FBXO41: variants seen among roughly 807,000 people sequenced by gnomAD.
FBXO41 encodes the protein F-box protein 41.
FBXO41 carries 33 observed loss-of-function variants against 81.6 expected under a neutral mutation model. The ratio of observed to expected loss-of-function variants is 0.40; its 90% CI spans 0.31 to 0.54. The LOEUF is 0.54. Among genes scored for constraint, FBXO41 ranks in the 20% least tolerant of loss-of-function variants. The probability of loss-of-function intolerance (pLI) is 0.39; values close to 1 mark genes in which losing one functional copy is unlikely to be tolerated. For synonymous variants in FBXO41, 576 were observed against 552.7 expected, an observed-to-expected ratio of 1.04 and a Z score of -0.59; for missense variants, 1,107 against 1,236.0, an observed-to-expected ratio of 0.90 and a Z score of 1.56.
rs1279553404 is a variant in FBXO41, at chr2:73,265,537, G to C, written c.1309C>G (p.Pro437Ala). The C allele has an allele frequency of 6.3e-7, 1 of 1,596,334 alleles. No individual in the cohort carries two copies. The highest frequency in any genetic ancestry group is 8.5e-7 in the Non-Finnish European group (1 of 1,172,570). Residue 437 changes from proline (P) to alanine (A), a missense_variant, in exon 5 of 13, where the codon CCT becomes GCT. Transcript: ENST00000520530. ...TGGGCCCGTGTGCCCAAGCCCCCAG[G>C]GCCACTGTCCTCAGGGGCCCCCTCC... ...PEEGAPEDSG[P>A]GGLGTRAQAA...
rs1459626575 is a variant in FBXO41, at chr2:73,259,034, C to T, written c.2576G>A (p.Arg859Gln). ...CAGAATCTTAGAGAAGCCGGGCCTC[C>T]GTCGCAGAGCCTGCGGACCGAACCC... ...DMVTKLQALR[R>Q]RPGFSKILHI... Residue 859 changes from arginine to glutamine, a missense_variant, in exon 13 of 13, where the codon CGG (arginine) becomes CAG (glutamine). By Grantham distance (43) the Arg-to-Gln change is conservative. This residue lies in a region of FBXO41 where 336 missense variants were observed against 446.7 expected (regional missense o/e 0.75). Coordinates refer to ENST00000520530, the MANE Select transcript of FBXO41 (RefSeq NM_001371389.2). The surrounding 1 kb of genome is among the most constrained non-coding windows in gnomAD (Gnocchi z 4.2). The T allele has an allele frequency of 2.7e-5, 43 of 1,601,474 alleles. No homozygotes were observed. Among genetic ancestry groups the T allele is most frequent in the Non-Finnish European group, 3.3e-5 (39 of 1,174,138 alleles).
Position 73,263,169 on chromosome 2 carries a change from C to T in FBXO41, c.2171+44G>A, listed in dbSNP as rs370198066. ...TAAGTCCTCAGCCCCAGACCAGGCC[C>T]AACCGTGTCCCCCCTCCTATCCCCC... On this transcript the variant is annotated intron_variant, in intron 9 of 12. Transcript: ENST00000520530. 1.1e-5 allele frequency: 17 copies of T among 1,505,938 alleles called. 1 individual carries two copies. In the African/African-American group the frequency reaches 2.2e-4, roughly 20 times the overall value. 93.3% of individuals were successfully genotyped at this position (1,505,938 alleles called of 1,614,324 possible).
chr2:73,282,470 C>T (rs1363351439), intron 1 of FBXO41, among the ~76,000 whole-genome samples: 1 of 152,146 alleles, frequency 6.6e-6, no homozygotes, highest in African/African-American at 2.4e-5. Context: ...CTTCAGGAGG[C>T]TGAGGCAGGA....
chr2:73,283,926 AGGCGAGAGGG>A (rs1688919415), intron 1 of FBXO41, among the ~76,000 whole-genome samples: 1 of 152,052 alleles, frequency 6.6e-6, no homozygotes, highest in Non-Finnish European at 1.5e-5. Context: ...AGGGAGCGAC[AGGCGAGAGGG>A]GGGAGGGGAA....
At chr2:73,261,517 T>A (rs147437160) in intron 9 of FBXO41, among the ~76,000 whole-genome samples, 1 of 152,152 alleles carries the variant, frequency 6.6e-6, no homozygotes, top group East Asian at 1.9e-4. Flanking sequence ...CAACAACAAC[T>A]GAGCTAGGCC....
Position 73,260,454 on chromosome 2 carries a change from T to C in FBXO41, c.2384A>G (p.Lys795Arg). The C allele has an allele frequency of 6.2e-7, 1 of 1,608,478 alleles. No homozygotes were observed. The change falls in exon 11 of 13, where the codon AAG (lysine) becomes AGG (arginine). Residue 795 changes from lysine (K) to arginine (R), a missense_variant. Physicochemically the swap from Lys to Arg is conservative, Grantham distance 26 (BLOSUM62 2). Around this residue, in one of 2 missense-constraint regions of FBXO41, gnomAD observed 336 missense variants for 446.7 expected, o/e 0.75. Transcript: ENST00000520530. This position sits in a 1 kb window ranked among gnomAD's most constrained non-coding sequence, Gnocchi z 5.0. ...VAAEVCREGL[K>R]GLEMLVLTAT... ...CGTGAGCACCAGCATCTCCAGTCCC[T>C]TCAGGCCTTCCCGGCAGACCTCTGC...
Position 73,263,853 on chromosome 2 carries a change from A to T in FBXO41, c.1923-23T>A, listed in dbSNP as rs745867425. ...CCCCTGGGGATGACCAAGAGGTCAG[A>T]GAGCTGGCAACCTCCTCCTCTGGGA... On this transcript the variant is annotated intron_variant, in intron 7 of 12. Transcript: ENST00000520530. The T allele has an allele frequency of 1.9e-6, 3 of 1,613,942 alleles. No individual in the cohort carries two copies. The African/African-American group carries it at 4.0e-5, about 22-fold the overall frequency.
In FBXO41 at chr2:73,266,001, G is replaced by A. The variant is rs1271909255; in HGVS notation, c.1132-35C>T. On this transcript the variant is annotated intron_variant, in intron 3 of 12. Coordinates refer to ENST00000520530, the MANE Select transcript of FBXO41 (RefSeq NM_001371389.2). The surrounding 1 kb of genome is among the most constrained non-coding windows in gnomAD (Gnocchi z 5.3). ...CCCAGAGCAGGAGGTAAAGGAGAGG[G>A]GCGGAGGAGGCAAGAGGATGAGCAG... The A allele has an allele frequency of 6.5e-7, 1 of 1,543,196 alleles. No homozygotes were observed. Among genetic ancestry groups the A allele is most frequent in the South Asian group, 1.2e-5 (1 of 83,966 alleles).
At chr2:73,270,034 T>C (rs1688443395) in intron 1 of FBXO41, among the ~76,000 whole-genome samples, 1 of 152,200 alleles carries the variant, frequency 6.6e-6, no homozygotes, top group South Asian at 2.1e-4. Context: ...ACGACCCAAG[T>C]GCCCATCAAT....
intron 1 of FBXO41, among the ~76,000 whole-genome samples, chr2:73,276,603 AGG>A (rs1491107732): frequency 0.092 from 7,726 of 83,668 alleles, 1,013 homozygotes; most frequent in African/African-American, 0.29. Flanking sequence ...AGAGAGAGAG[AGG>A]GAGAGAGGGA....
At chr2:73,268,614 A>G (rs1259337984) in intron 2 of FBXO41, 112 bp downstream of exon 2, 2 of 1,084,514 alleles carry the variant, frequency 1.8e-6, no homozygotes, top group Non-Finnish European at 2.6e-6. Flanking sequence ...CGGATCCTCT[A>G]TTACAAAGCC....
At position 73,266,394 on chromosome 2, in the gene FBXO41, G is replaced by C. The variant is rs930698872; in HGVS notation, c.1131+63C>G. The C allele has an allele frequency of 4.2e-6, 6 of 1,427,492 alleles. No homozygotes were observed. The Admixed American group carries it at 1.7e-4, about 40-fold the overall frequency. The allele number at this position is 1,427,492 out of a possible 1,614,324, so 88.4% of individuals were successfully genotyped here. ...TCATGGGGGAGATGTCCAGCCATGT[G>C]AAAGGTGAGGTTGTGGGGGGCCAGG... On this transcript the variant is annotated intron_variant, in intron 3 of 12. Coordinates refer to ENST00000520530, the MANE Select transcript of FBXO41 (RefSeq NM_001371389.2). The surrounding 1 kb of genome is among the most constrained non-coding windows in gnomAD (Gnocchi z 5.3).
intron 1 of FBXO41, among the ~76,000 whole-genome samples, chr2:73,274,309 G>A (rs1432849435): frequency 6.6e-6 from 1 of 152,068 alleles, no homozygotes; most frequent in Non-Finnish European, 1.5e-5. Flanking sequence ...CTATCTCTTT[G>A]GTAACTTGCC....
chr2:73,266,492 C>T lies in FBXO41; in HGVS notation c.1096G>A (p.Gly366Ser). ...GGGCCCCGGGCATTGGGTCCAGCAC[C>T]ACCGCCCCCACCTCCACGGCCCAGG... ...ASLGRGGGGG[G>S]AGPNARGPGR... Residue 366 changes from glycine to serine, a missense_variant, in exon 3 of 13, where the codon GGT becomes AGT. By Grantham distance (56) the Gly-to-Ser change is moderately conservative (BLOSUM62 0). This residue lies in a region of FBXO41 where 771 missense variants were observed against 789.2 expected (regional missense o/e 0.98). Transcript: ENST00000520530. This position sits in a 1 kb window ranked among gnomAD's most constrained non-coding sequence, Gnocchi z 5.3. 1.9e-6 allele frequency: 3 copies of T among 1,576,506 alleles called. No homozygotes were observed. Among genetic ancestry groups the T allele is most frequent in the Non-Finnish European group, 2.6e-6 (3 of 1,162,086 alleles).
chr2:73,264,098 T>G (rs1481323157), intron 6 of FBXO41, 45 bp from the exon 7 acceptor site: 2 of 1,560,266 alleles, frequency 1.3e-6, no homozygotes, highest in Non-Finnish European at 1.7e-6. Context: ...GGGTCTGAAC[T>G]TGGTTGGCTG....
rs774302138 is a variant in FBXO41 at position 73,270,951 on chromosome 2, C to T, written c.-138-1183G>A. On this transcript the variant is annotated intron_variant, in intron 1 of 12. Transcript: ENST00000520530. ...CACCTACTTGGTCCCATGGCCGATA[C>T]TGTTGACCCCTCCATCTTCACAGCT... 13 of 533,906 alleles carry T rather than the reference C, an allele frequency of 2.4e-5. No individual in the cohort carries two copies. In the Admixed American group the frequency reaches 2.5e-4, roughly 10 times the overall value. 33.1% of individuals were successfully genotyped at this position (533,906 alleles called of 1,614,324 possible). A position where few individuals can be genotyped will look rare whatever the true frequency, so the allele number is the denominator to read the frequency against.
chr2:73,263,764 G>A lies in FBXO41; in HGVS notation c.1989C>T (p.Arg663=). The part of the protein sequence containing the change: ...KAAGGNLLIL[R]ISHCPNILTD... ...TGAGGATGTTTGGACAGTGGGAGAT[G>A]CGCAGGATCAGCAGGTTCCCCCCAG... Residue 663 remains arginine (R), a synonymous_variant, in exon 8 of 13, where the codon CGC becomes CGT. Coordinates refer to ENST00000520530, the MANE Select transcript of FBXO41 (RefSeq NM_001371389.2). The A allele has an allele frequency of 6.2e-7, 1 of 1,614,044 alleles. No homozygotes were observed. The highest frequency in any genetic ancestry group is 8.5e-7 in the Non-Finnish European group (1 of 1,179,906).
rs1450158085 is a variant in FBXO41 at position 73,266,021 on chromosome 2, G to A, written c.1132-55C>T. 3 of 1,487,968 alleles carry A rather than the reference G, an allele frequency of 2.0e-6. No individual in the cohort carries two copies. Among genetic ancestry groups the A allele is most frequent in the African/African-American group, 1.4e-5 (1 of 71,834 alleles). The allele number at this position is 1,487,968 out of a possible 1,614,324, so 92.2% of individuals were successfully genotyped here. A position where few individuals can be genotyped will look rare whatever the true frequency, so the allele number is the denominator to read the frequency against. On this transcript the variant is annotated intron_variant, in intron 3 of 12. Coordinates refer to ENST00000520530, the MANE Select transcript of FBXO41 (RefSeq NM_001371389.2). This position sits in a 1 kb window ranked among gnomAD's most constrained non-coding sequence, Gnocchi z 5.3. ...AGAGGGGCGGAGGAGGCAAGAGGAT[G>A]AGCAGGAATAGCAGGGGAAACAGGG...
Position 73,258,901 on chromosome 2 carries a change from G to A in FBXO41, c.*81C>T. On this transcript the variant is annotated 3_prime_UTR_variant, in exon 13 of 13. Coordinates refer to ENST00000520530, the MANE Select transcript of FBXO41 (RefSeq NM_001371389.2). ...ATAACACTCGGCCTCCAAAGGTCTA[G>A]TCCAAACCAGGGTCCCTCTGAGGTC... is the stretch of plus-strand genomic sequence containing the variant. 7.0e-7 allele frequency: 1 copy of A among 1,435,202 alleles called. No homozygotes were observed. The allele number at this position is 1,435,202 out of a possible 1,614,324, so 88.9% of individuals were successfully genotyped here. A position where few individuals can be genotyped will look rare whatever the true frequency, so the allele number is the denominator to read the frequency against.
Sources: gnomAD v4.1 joint callset for allele counts (sites outside exome capture counted in the v4.1 genomes callset) on GRCh38, gnomAD v4.1.1 for gene constraint, gnomAD v4.1.1 regional missense constraint, Gnocchi (gnomAD v3.1) non-coding constraint, MANE v1.5 for transcripts, NCBI Gene and HGNC (gene_info 2026-07-23, HGNC 2026-07-21) for gene names.